OSTF1: variants seen among roughly 807,000 people sequenced by gnomAD.
OSTF1 encodes the protein osteoclast stimulating factor 1.
In OSTF1, 27 loss-of-function variants were observed where a neutral mutation model predicts 37.2. The observed-to-expected ratio is 0.73, with a 90% CI of 0.54 to 1.00. OSTF1 has a LOEUF of 1.00. OSTF1 is among the 50% of genes least tolerant of loss of function. The pLI is 0.00. For synonymous variants in OSTF1, 82 were observed against 89.2 expected, an observed-to-expected ratio of 0.92 and a Z score of 0.46; for missense variants, 232 against 253.8, an observed-to-expected ratio of 0.91 and a Z score of 0.58.
At chr9:75,124,907 A>G (rs1041251948) in intron 2 of OSTF1, among the ~76,000 whole-genome samples, 4 of 152,212 alleles carry the variant, frequency 2.6e-5, no homozygotes, top group South Asian at 2.1e-4. Context: ...TCACTTCTTG[A>G]AAGTACTGAT....
At chr9:75,117,834 T>C (rs1003110012) in intron 2 of OSTF1, among the ~76,000 whole-genome samples, 6 of 152,236 alleles carry the variant, frequency 3.9e-5, no homozygotes, top group African/African-American at 1.4e-4. Flanking sequence ...GACCCTGTCT[T>C]AGTCATCTTT....
intron 1 of OSTF1, among the ~76,000 whole-genome samples, chr9:75,116,605 CTT>C (rs75110694): frequency 1.3e-3 from 156 of 122,826 alleles, no homozygotes; most frequent in Middle Eastern, 4.5e-3. Flanking sequence ...CCAATGGGTC[CTT>C]TTTTTTTTTT....
At chr9:75,108,151 A>G (rs973000890) in intron 1 of OSTF1, among the ~76,000 whole-genome samples, 2 of 152,008 alleles carry the variant, frequency 1.3e-5, no homozygotes, top group African/African-American at 4.8e-5. Flanking sequence ...CTTGAGCCTG[A>G]GAGGTTGAAG....
rs1009800227 is a variant in OSTF1, at chr9:75,133,174, T to G, written c.251-120T>G. 4 of 626,066 alleles carry G rather than the reference T, an allele frequency of 6.4e-6. No individual in the cohort carries two copies. In the Admixed American group the frequency reaches 1.2e-4, roughly 18 times the overall value. 38.8% of individuals were successfully genotyped at this position (626,066 alleles called of 1,614,324 possible). ...ATGCATTAATGGGGAGGTCTTAATTTAATACTTGCTGATTAATCCATTGCA... is the reference window on the plus strand; with the variant it reads ...ATGCATTAATGGGGAGGTCTTAATTGAATACTTGCTGATTAATCCATTGCA... On this transcript the variant is annotated intron_variant, in intron 5 of 9. Coordinates refer to ENST00000346234, the MANE Select transcript of OSTF1 (RefSeq NM_012383.5).
intron 1 of OSTF1, among the ~76,000 whole-genome samples, chr9:75,092,215 C>T (rs1824987653): frequency 2.0e-5 from 3 of 152,290 alleles, no homozygotes; most frequent in Admixed American, 6.5e-5. Context: ...AACAGGGGGC[C>T]GATTTGTGGA....
intron 2 of OSTF1, among the ~76,000 whole-genome samples, chr9:75,126,338 C>T (rs558752751): frequency 6.6e-6 from 1 of 152,322 alleles, no homozygotes; most frequent in Admixed American, 6.5e-5. Context: ...GCAACACATG[C>T]TCATGACAGA....
At chr9:75,122,458 A>T (rs573546427) in intron 2 of OSTF1, among the ~76,000 whole-genome samples, 2 of 152,350 alleles carry the variant, frequency 1.3e-5, no homozygotes, top group African/African-American at 4.8e-5. Flanking sequence ...CAAGTAAAAT[A>T]TGCTGCCATT....
At position 75,130,587 on chromosome 9, in the gene OSTF1, A is replaced by G. The variant is rs765373783; in HGVS notation, c.142A>G (p.Asn48Asp). ...ACTCTTCTTTTACCAGAGCGATACC[A>G]ATTGGTGGAAAGGCACCTCCAAAGG... Reference protein sequence around the residue: ...IIYITDMSDTNWWKGTSKGRT... With the variant: ...IIYITDMSDTDWWKGTSKGRT... Residue 48 changes from asparagine (N) to aspartate (D), a missense_variant, in exon 4 of 10, where the codon AAT (asparagine) becomes GAT (aspartate). Physicochemically the swap from Asn to Asp is conservative, Grantham distance 23 (BLOSUM62 1). Transcript: ENST00000346234. 4 of 1,607,322 alleles carry G rather than the reference A, an allele frequency of 2.5e-6. No individual in the cohort carries two copies. The highest frequency in any genetic ancestry group is 3.4e-6 in the Non-Finnish European group (4 of 1,173,826).
chr9:75,088,636 G>C lies in OSTF1; in HGVS notation c.-57G>C, dbSNP rs1824854477. The C allele has an allele frequency of 6.4e-7, 1 of 1,572,288 alleles. No homozygotes were observed. Among genetic ancestry groups the C allele is most frequent in the Non-Finnish European group, 8.7e-7 (1 of 1,154,068 alleles). ...TGGGGTGCCCGGAGTGCCAGGTGGC[G>C]GGCAAGCGGTGGGCTTTTCGGCGGG... is the stretch of plus-strand genomic sequence containing the variant. On this transcript the variant is annotated 5_prime_UTR_variant, in exon 1 of 10. Coordinates refer to ENST00000346234, the MANE Select transcript of OSTF1 (RefSeq NM_012383.5).
intron 1 of OSTF1, among the ~76,000 whole-genome samples, chr9:75,100,742 A>G (rs1825176813): frequency 6.6e-6 from 1 of 151,948 alleles, no homozygotes; most frequent in Admixed American, 6.6e-5. Flanking sequence ...AAAAAAAAAA[A>G]AAAAGTTTCT....
At chr9:75,128,289 G>T (rs1270781015) in intron 3 of OSTF1, among the ~76,000 whole-genome samples, 1 of 142,412 alleles carries the variant, frequency 7.0e-6, no homozygotes, top group Non-Finnish European at 1.5e-5. Context: ...ACCACACAGA[G>T]AGGAAATATT....
chr9:75,104,999 T>C (rs1207132581), intron 1 of OSTF1, among the ~76,000 whole-genome samples: 1 of 152,204 alleles, frequency 6.6e-6, no homozygotes, highest in Non-Finnish European at 1.5e-5. Flanking sequence ...AATAAATTGC[T>C]GTGAGTTAGT....
chr9:75,128,456 CAT>C lies in OSTF1; in HGVS notation c.132+850_132+851del, dbSNP rs10595013. On this transcript the variant is annotated intron_variant, in intron 3 of 9. Coordinates refer to ENST00000346234, the MANE Select transcript of OSTF1 (RefSeq NM_012383.5). The stretch of plus-strand genomic sequence containing the variant: ...TGTCCATATATATATATATTTTGTC[CAT>C]ATATATATATATTTTGTCCATATAT... Among the ~76,000 whole-genome samples, 23 of 10,008 alleles carry C rather than the reference CAT, an allele frequency of 2.3e-3. 8 individuals carry two copies. Among genetic ancestry groups the C allele is most frequent in the African/African-American group, 0.012 (23 of 1,998 alleles). The allele number at this position is 10,008 out of a possible 152,430, so 6.6% of individuals were successfully genotyped here.
intron 1 of OSTF1, among the ~76,000 whole-genome samples, chr9:75,097,211 A>G (rs1419618271): frequency 6.6e-6 from 1 of 152,160 alleles, no homozygotes; most frequent in Non-Finnish European, 1.5e-5. Flanking sequence ...ATCTCTCTGC[A>G]TTCAGGTCAT....
chr9:75,120,171 C>T lies in OSTF1; in HGVS notation c.81+2621C>T, dbSNP rs9695750. ...GCATTTAATACCCCCATAAGCCCAT[C>T]GTAAAGTTGACAAATTGTTAAGTTG... On this transcript the variant is annotated intron_variant, in intron 2 of 9. Coordinates refer to ENST00000346234, the MANE Select transcript of OSTF1 (RefSeq NM_012383.5). 1.0e-2 allele frequency among the ~76,000 whole-genome samples: 1,517 copies of T among 152,142 alleles called. 21 individuals are homozygous for T. The highest frequency in any genetic ancestry group is 0.034 in the African/African-American group (1,424 of 41,484).
At chr9:75,134,463 T>A in intron 7 of OSTF1, 68 bp downstream of exon 7, 1 of 767,680 alleles carries the variant, frequency 1.3e-6, no homozygotes, top group East Asian at 2.7e-5. Flanking sequence ...GAGCAACTCA[T>A]GGGCATGTGA....
intron 1 of OSTF1, among the ~76,000 whole-genome samples, chr9:75,115,636 CCT>C (rs1193009474): frequency 1.8e-5 from 2 of 111,380 alleles, no homozygotes; most frequent in African/African-American, 2.9e-5. Flanking sequence ...GAGGACCCCC[CCT>C]TTTTTTGTTT....
At chr9:75,100,204 C>A (rs959514435) in intron 1 of OSTF1, among the ~76,000 whole-genome samples, 3 of 152,164 alleles carry the variant, frequency 2.0e-5, no homozygotes, top group African/African-American at 7.2e-5. Context: ...CTGATTTTTC[C>A]TTCTTCTGTC....
intron 1 of OSTF1, 131 bp downstream of exon 1, chr9:75,088,857 G>A: frequency 1.2e-6 from 1 of 817,610 alleles, no homozygotes; most frequent in Non-Finnish European, 2.0e-6. Context: ...GGCCCCACCG[G>A]GATGGGCGCT....
Sources: gnomAD v4.1 joint callset for allele counts (sites outside exome capture counted in the v4.1 genomes callset) on GRCh38, gnomAD v4.1.1 for gene constraint, MANE v1.5 for transcripts, NCBI Gene and HGNC (gene_info 2026-07-23, HGNC 2026-07-21) for gene names.